Variants in CRISP1 observed in about 807,000 individuals in gnomAD.
The protein encoded by CRISP1 is cysteine-rich secretory protein 1.
CRISP1 carries 44 observed loss-of-function variants against 33.1 expected under a neutral mutation model. The observed-to-expected ratio is 1.33, with a 90% CI of 1.05 to 1.71. The LOEUF is 1.71. CRISP1 is among the 40% of genes most tolerant of loss of function. The pLI is 0.00. For synonymous variants in CRISP1, 103 were observed against 98.7 expected (o/e 1.04, Z -0.26); for missense variants, 390 against 301.2 (o/e 1.29, Z -2.18).
chr6:49,845,435 A>T (rs1351197802), intron 5 of CRISP1, among the ~76,000 whole-genome samples: 1 of 152,172 alleles, frequency 6.6e-6, no homozygotes, highest in African/African-American at 2.4e-5. Flanking sequence ...TGTTTAATCC[A>T]CCCAGCTGTG....
chr6:49,845,572 T>C (rs1165879621), intron 5 of CRISP1, among the ~76,000 whole-genome samples: 2 of 152,124 alleles, frequency 1.3e-5, no homozygotes, highest in East Asian at 3.9e-4. Context: ...GTACTCCAGT[T>C]TTTCAAATAA....
chr6:49,847,687 C>A (rs1771224537), intron 4 of CRISP1, among the ~76,000 whole-genome samples: 1 of 103,668 alleles, frequency 9.6e-6, no homozygotes, highest in South Asian at 3.6e-4. Flanking sequence ...AACACAGAAG[C>A]AATAATGTTT....
intron 6 of CRISP1, among the ~76,000 whole-genome samples, chr6:49,840,284 G>T (rs1283521921): frequency 6.6e-6 from 1 of 152,164 alleles, no homozygotes; most frequent in Non-Finnish European, 1.5e-5. Context: ...GGAGAAGAAG[G>T]TGCAGCAGAA....
intron 6 of CRISP1, among the ~76,000 whole-genome samples, chr6:49,839,949 T>G (rs1770930087): frequency 1.3e-5 from 2 of 152,234 alleles, no homozygotes; most frequent in South Asian, 4.1e-4. Context: ...TCATGTTCAT[T>G]GATTTATACT....
chr6:49,858,234 C>A (rs1463229995), intron 1 of CRISP1, among the ~76,000 whole-genome samples: 1 of 152,050 alleles, frequency 6.6e-6, no homozygotes, highest in Admixed American at 6.6e-5. Context: ...AGCTAATGTA[C>A]CTTCTCTTTT....
chr6:49,868,954 TC>T (rs890037192), upstream of CRISP1, among the ~76,000 whole-genome samples: 3 of 152,112 alleles, frequency 2.0e-5, no homozygotes, highest in Non-Finnish European at 4.4e-5. Flanking sequence ...CTTTGAAATT[TC>T]CCCCCTCTTC....
intron 3 of CRISP1, among the ~76,000 whole-genome samples, chr6:49,849,517 T>C (rs1313827816): frequency 6.6e-6 from 1 of 152,148 alleles, no homozygotes; most frequent in Non-Finnish European, 1.5e-5. Flanking sequence ...CAATACTCAT[T>C]TTTGTGCTGC....
At chr6:49,853,945 T>G (rs1426216990) in intron 2 of CRISP1, among the ~76,000 whole-genome samples, 3 of 152,164 alleles carry the variant, frequency 2.0e-5, no homozygotes, top group Non-Finnish European at 4.4e-5. Context: ...AAGATTGACC[T>G]CAAATAGTTC....
chr6:49,861,371 G>C (rs1417918417), intron 1 of CRISP1, among the ~76,000 whole-genome samples: 4 of 152,002 alleles, frequency 2.6e-5, no homozygotes, highest in Non-Finnish European at 5.9e-5. Context: ...AAATCCAACA[G>C]CACATGTAAG....
chr6:49,846,396 A>C (rs899275694), intron 5 of CRISP1, 124 bp downstream of exon 5: 1 of 984,334 alleles, frequency 1.0e-6, no homozygotes, highest in Non-Finnish European at 1.5e-6. Context: ...TATAAGAGGA[A>C]CTCAGTAAAT....
At chr6:49,876,471 G>T (rs1373911547) in intron 1 of CRISP1, among the ~76,000 whole-genome samples, 1 of 152,028 alleles carries the variant, frequency 6.6e-6, no homozygotes, top group Non-Finnish European at 1.5e-5. Context: ...GTGGAAGACA[G>T]TGTGAAAATT....
At chr6:49,842,142 A>G (rs1445907445) in intron 5 of CRISP1, among the ~76,000 whole-genome samples, 1 of 152,122 alleles carries the variant, frequency 6.6e-6, no homozygotes, top group Non-Finnish European at 1.5e-5. Flanking sequence ...TATGGCTTTT[A>G]ATTATCTGCG....
chr6:49,873,650 T>C (rs1008873880), intron 1 of CRISP1, among the ~76,000 whole-genome samples: 35 of 152,122 alleles, frequency 2.3e-4, no homozygotes, highest in African/African-American at 8.2e-4. Flanking sequence ...ATAGAACTGG[T>C]TATATCAAAT....
chr6:49,847,138 A>G (rs1003290859), intron 4 of CRISP1, among the ~76,000 whole-genome samples: 2 of 152,204 alleles, frequency 1.3e-5, no homozygotes, highest in South Asian at 4.1e-4. Context: ...GGCAGGAACC[A>G]CTTTGCTAAT....
chr6:49,839,728 T>C (rs1770922339), intron 6 of CRISP1, among the ~76,000 whole-genome samples: 1 of 152,202 alleles, frequency 6.6e-6, no homozygotes, highest in South Asian at 2.1e-4. Flanking sequence ...TTTTCTTTTT[T>C]GGATCAGTTG....
intron 5 of CRISP1, among the ~76,000 whole-genome samples, chr6:49,843,806 G>A (rs991370485): frequency 6.6e-6 from 1 of 152,148 alleles, no homozygotes; most frequent in African/African-American, 2.4e-5. Flanking sequence ...AGAAATAAGG[G>A]CATTAAAGTC....
At chr6:49,870,596 G>C (rs9473681), upstream of CRISP1, among the ~76,000 whole-genome samples, 459 of 152,234 alleles carry the variant, frequency 3.0e-3, 2 homozygotes, top group African/African-American at 0.01. Context: ...AAGGTCAAGA[G>C]AGCCTGTTAA....
chr6:49,854,004 G>T (rs1170557790), intron 2 of CRISP1, among the ~76,000 whole-genome samples: 1 of 152,080 alleles, frequency 6.6e-6, no homozygotes, highest in Non-Finnish European at 1.5e-5. Context: ...AACTCACTCT[G>T]TCACTCTCCA....
chr6:49,857,874 A>G (rs1280700061), intron 1 of CRISP1, among the ~76,000 whole-genome samples: 1 of 152,202 alleles, frequency 6.6e-6, no homozygotes. Flanking sequence ...AAGCTAAGGA[A>G]TATGGATAGC....
Sources: gnomAD v4.1 joint callset for allele counts (sites outside exome capture counted in the v4.1 genomes callset) on GRCh38, gnomAD v4.1.1 for gene constraint, MANE v1.5 for transcripts, NCBI Gene and HGNC (gene_info 2026-07-23, HGNC 2026-07-21) for gene names.